The following SCN10A variants were observed in gnomAD, a reference collection of about 807,000 sequenced individuals.
SCN10A encodes the protein sodium channel protein type 10 subunit alpha.
SCN10A carries 162 observed loss-of-function variants against 170.7 expected under a neutral mutation model. That is an observed-to-expected ratio of 0.95 (90% CI 0.84 to 1.08). The LOEUF (loss-of-function observed/expected upper bound fraction) is 1.08. Ranked by LOEUF, SCN10A falls within the 50% of genes least tolerant of loss-of-function variation. The pLI is 0.00. For missense variants in SCN10A, 2,527 were observed against 2,436.9 expected, an observed-to-expected ratio of 1.04 and a Z score of -0.78; for synonymous variants, 985 against 904.6, an observed-to-expected ratio of 1.09 and a Z score of -1.59.
chr3:38,737,842 T>TTTCTTTCTTTCTTTCTCTTTC (rs2063586768), intron 15 of SCN10A, among the ~76,000 whole-genome samples: 1 of 145,678 alleles, frequency 6.9e-6, no homozygotes, highest in Non-Finnish European at 1.5e-5. Context: ...CTCTTTCTTC[T>TTTCTTTCTTTCTTTCTCTTTC]TTCTTTCTTT....
chr3:38,697,368 A>T lies in SCN10A; in HGVS notation c.5852T>A (p.Leu1951Gln). The change falls in exon 28 of 28, where the codon CTG becomes CAG. Residue 1951 changes from leucine (L) to glutamine (Q), a missense_variant. Transcript: ENST00000449082. ...TTCTCACTAGGGCCCAGGGGCAATCAGCTCCATACTGGTGGCTTCATCTTC... is the reference window on the plus strand; with the variant it reads ...TTCTCACTAGGGCCCAGGGGCAATCTGCTCCATACTGGTGGCTTCATCTTC... ...QNEDEATSME[L>Q]IAPGP 1 of 1,613,886 alleles carries T rather than the reference A, an allele frequency of 6.2e-7. No homozygotes were observed. The highest frequency in any genetic ancestry group is 8.5e-7 in the Non-Finnish European group (1 of 1,179,764).
intron 13 of SCN10A, among the ~76,000 whole-genome samples, chr3:38,746,082 T>TATATAA (rs2063686035): frequency 9.2e-6 from 1 of 108,750 alleles, no homozygotes; most frequent in Admixed American, 9.5e-5. Flanking sequence ...TATATATATA[T>TATATAA]ATATATATAT....
rs756235256 is a variant in SCN10A at position 38,742,407 on chromosome 3, C to A, written c.1990G>T (p.Asp664Tyr). ...LKTILFGLVT[D>Y]PFAELTITLC... Reference sequence around the variant, plus strand: ...GTGATGGTGAGCTCTGCAAAGGGATCCGTCACAAGCCCAAAGAGAATTGTC... The same window carrying A: ...GTGATGGTGAGCTCTGCAAAGGGATACGTCACAAGCCCAAAGAGAATTGTC... The change falls in exon 14 of 28, where the codon GAT becomes TAT. Residue 664 changes from aspartate (D) to tyrosine (Y), a missense_variant. Asp to Tyr is a radical substitution (Grantham distance 160, BLOSUM62 -3). Transcript: ENST00000449082. 1 of 1,614,152 alleles carries A rather than the reference C, an allele frequency of 6.2e-7. No individual in the cohort carries two copies. Among genetic ancestry groups the A allele is most frequent in the East Asian group, 2.2e-5 (1 of 44,872 alleles).
chr3:38,704,824 AG>A (rs1271367298), intron 26 of SCN10A, among the ~76,000 whole-genome samples: 17 of 152,206 alleles, frequency 1.1e-4, no homozygotes, highest in Non-Finnish European at 2.2e-4. Context: ...ATCCTGTGTC[AG>A]TGCTTTGCTG....
chr3:38,720,659 G>A (rs75562946), intron 20 of SCN10A, among the ~76,000 whole-genome samples: 2,256 of 152,148 alleles, frequency 0.015, 66 homozygotes, highest in Admixed American at 0.064. Flanking sequence ...CTGGGCTGGC[G>A]CAGTGCTGCA....
At position 38,792,060 on chromosome 3, in the gene SCN10A, A is replaced by G. The variant is rs1395549928; in HGVS notation, c.379T>C (p.Ser127Pro). Residue 127 changes from serine (S) to proline (P), a missense_variant, in exon 3 of 28, where the codon TCT (serine) becomes CCT (proline). Physicochemically the swap from Ser to Pro is moderately conservative, Grantham distance 74. Transcript: ENST00000449082. ...TCGTGCAAAGGATATGAGTGGACAG[A>G]CACTTTGATGGCCGTTCTTCTGATC... Reference protein sequence around the residue: ...NLIRRTAIKVSVHSWFSLFIT... With the variant: ...NLIRRTAIKVPVHSWFSLFIT... 1 of 1,613,730 alleles carries G rather than the reference A, an allele frequency of 6.2e-7. No individual in the cohort carries two copies. Among genetic ancestry groups the G allele is most frequent in the Admixed American group, 1.7e-5 (1 of 59,992 alleles).
chr3:38,797,218 A>G (rs1244657956), intron 1 of SCN10A, among the ~76,000 whole-genome samples: 1 of 152,004 alleles, frequency 6.6e-6, no homozygotes, highest in African/African-American at 2.4e-5. Flanking sequence ...CTTGAATCCA[A>G]TACCTCTGTG....
At chr3:38,789,110 G>A in intron 3 of SCN10A, 74 bp from the exon 4 acceptor site, 3 of 838,520 alleles carry the variant, frequency 3.6e-6, no homozygotes, top group Non-Finnish European at 6.2e-6. Context: ...CCTTGATGCT[G>A]AATGATTACA....
chr3:38,700,000 C>A (rs939749349), intron 27 of SCN10A, among the ~76,000 whole-genome samples: 2 of 152,160 alleles, frequency 1.3e-5, no homozygotes, highest in African/African-American at 4.8e-5. Context: ...CATCATAGAA[C>A]TAAGTACTTG....
intron 27 of SCN10A, among the ~76,000 whole-genome samples, chr3:38,699,486 G>A (rs1043703875): frequency 6.6e-6 from 1 of 152,180 alleles, no homozygotes; most frequent in African/African-American, 2.4e-5. Context: ...GGTGAGGGAT[G>A]TAGCAGCAAG....
At position 38,763,404 on chromosome 3, in the gene SCN10A, G is replaced by C. The variant is rs113906876; in HGVS notation, c.691+101C>G. 2.5e-3 allele frequency: 2,287 copies of C among 905,392 alleles called. 25 individuals are homozygous for C. The highest frequency in any genetic ancestry group is 0.024 in the African/African-American group (1,491 of 61,196). 56.1% of individuals were successfully genotyped at this position (905,392 alleles called of 1,614,324 possible). ...TCAGTTCCTTTGTCTTGTAAGTGGG[G>C]ACAATAGTCTTTGCCCTGGAACCTT... On this transcript the variant is annotated intron_variant, in intron 6 of 27. Coordinates refer to ENST00000449082, the MANE Select transcript of SCN10A (RefSeq NM_006514.4).
In SCN10A at chr3:38,726,798, G is replaced by T; in HGVS notation, c.2895C>A (p.Asn965Lys). The T allele has an allele frequency of 3.7e-6, 6 of 1,611,660 alleles. No individual in the cohort carries two copies. The highest frequency in any genetic ancestry group is 5.1e-6 in the Non-Finnish European group (6 of 1,177,906). ...SSKAENHIAA[N>K]TARGSSGGLQ... ...GCCCTCCAGAGCTCCCCCTGGCAGT[G>T]TTGGCAGCAATGTGGTTCTCAGCCT... The change falls in exon 17 of 28, where the codon AAC becomes AAA. Residue 965 changes from asparagine (N) to lysine (K), a missense_variant. Coordinates refer to ENST00000449082, the MANE Select transcript of SCN10A (RefSeq NM_006514.4).
In SCN10A at chr3:38,719,088, G is replaced by C. The variant is rs77400992; in HGVS notation, c.3508-262C>G. Among the ~76,000 whole-genome samples the C allele has an allele frequency of 6.0e-4, 91 of 152,308 alleles. No homozygotes were observed. In the South Asian group the frequency reaches 0.011, roughly 18 times the overall value. On this transcript the variant is annotated intron_variant, in intron 20 of 27. Transcript: ENST00000449082. Reference sequence around the variant, plus strand: ...TACTTGCAGGGATGCTGAATGCAAGGGAGAAAGAAAACCTTCTCAAATTGG... The same window carrying C: ...TACTTGCAGGGATGCTGAATGCAAGCGAGAAAGAAAACCTTCTCAAATTGG...
intron 6 of SCN10A, among the ~76,000 whole-genome samples, chr3:38,761,687 C>T (rs2063873816): frequency 6.6e-6 from 1 of 152,070 alleles, no homozygotes; most frequent in Non-Finnish European, 1.5e-5. Flanking sequence ...ATGCTGAGTA[C>T]CTACTTTTTC....
At chr3:38,778,518 C>T (rs568714294) in intron 4 of SCN10A, among the ~76,000 whole-genome samples, 73 of 151,814 alleles carry the variant, frequency 4.8e-4, no homozygotes, top group South Asian at 6.2e-4. Flanking sequence ...TAGGCAGGCA[C>T]GCAGAAAGAC....
At chr3:38,733,681 A>G (rs2063532491) in intron 15 of SCN10A, among the ~76,000 whole-genome samples, 2 of 151,788 alleles carry the variant, frequency 1.3e-5, no homozygotes. Flanking sequence ...ATGCCCAGCT[A>G]ATTTCTTTCC....
intron 8 of SCN10A, among the ~76,000 whole-genome samples, chr3:38,759,256 T>C (rs6763876): frequency 0.32 from 47,956 of 152,062 alleles, 7,991 homozygotes; most frequent in East Asian, 0.69. Context: ...ATGGGCCTTT[T>C]TGATCTTTTG....
chr3:38,752,698 A>T (rs2063762666), intron 11 of SCN10A, among the ~76,000 whole-genome samples, 186 bp from the exon 12 acceptor site: 1 of 152,024 alleles, frequency 6.6e-6, no homozygotes, highest in Non-Finnish European at 1.5e-5. Context: ...AAAAAAGGAG[A>T]CTCTAGATAG....
At chr3:38,814,648 G>A (rs1329226419) in intron 1 of SCN10A, among the ~76,000 whole-genome samples, 1 of 152,162 alleles carries the variant, frequency 6.6e-6, no homozygotes, top group Non-Finnish European at 1.5e-5. Context: ...TTGTAGGTAT[G>A]TGCTCTTTCA....
Sources: gnomAD v4.1 joint callset for allele counts (sites outside exome capture counted in the v4.1 genomes callset) on GRCh38, gnomAD v4.1.1 for gene constraint, MANE v1.5 for transcripts, NCBI Gene and HGNC (gene_info 2026-07-23, HGNC 2026-07-21) for gene names.